The following BRD7 variants were observed in gnomAD, a reference collection of about 807,000 sequenced individuals.
The protein encoded by BRD7 is bromodomain containing 7.
In BRD7, 15 loss-of-function variants were observed where a neutral mutation model predicts 82.1. The observed-to-expected ratio is 0.18, with a 90% CI of 0.12 to 0.28. The LOEUF (loss-of-function observed/expected upper bound fraction) is 0.28, where lower values mean the gene tolerates loss of function less well. Among genes scored for constraint, BRD7 ranks in the 10% least tolerant of loss-of-function variants. The pLI is 1.00. For synonymous variants in BRD7, 232 were observed against 266.9 expected (o/e 0.87, Z 1.27); for missense variants, 638 against 779.9 (o/e 0.82, Z 2.17).
At chr16:50,321,479 A>T (rs1212466779) in intron 13 of BRD7, among the ~76,000 whole-genome samples, 1 of 149,868 alleles carries the variant, frequency 6.7e-6, no homozygotes, top group Admixed American at 6.8e-5. Flanking sequence ...AGGCAAGAGA[A>T]CTGCTTGAAC....
chr16:50,335,215 T>C (rs932671504), intron 6 of BRD7, among the ~76,000 whole-genome samples: 7 of 152,242 alleles, frequency 4.6e-5, no homozygotes, highest in African/African-American at 1.7e-4. Flanking sequence ...TTTAGTTTAA[T>C]GGTGTGTTAA....
intron 6 of BRD7, among the ~76,000 whole-genome samples, chr16:50,337,406 A>T (rs1252855796): frequency 1.3e-5 from 2 of 151,770 alleles, no homozygotes; most frequent in Admixed American, 1.3e-4. Context: ...AATTACAGGC[A>T]TGCACCACCA....
chr16:50,318,977 A>G lies in BRD7; in HGVS notation c.*234T>C, dbSNP rs1187137889. 4.4e-6 allele frequency: 2 copies of G among 450,300 alleles called. No homozygotes were observed. The highest frequency in any genetic ancestry group is 8.0e-6 in the Non-Finnish European group (2 of 250,402). The allele number at this position is 450,300 out of a possible 1,614,324, so 27.9% of individuals were successfully genotyped here. ...TAAGGAAGAAGCATTGGAAGGCACTATTTTGAAAGAATGCTGCACAGGTAT... is the reference window on the plus strand; with the variant it reads ...TAAGGAAGAAGCATTGGAAGGCACTGTTTTGAAAGAATGCTGCACAGGTAT... On this transcript the variant is annotated 3_prime_UTR_variant, in exon 17 of 17. Coordinates refer to ENST00000394688, the MANE Select transcript of BRD7 (RefSeq NM_013263.5).
intron 8 of BRD7, among the ~76,000 whole-genome samples, chr16:50,332,778 A>C (rs2037623736): frequency 6.6e-6 from 1 of 152,220 alleles, no homozygotes; most frequent in South Asian, 2.1e-4. Flanking sequence ...GTACACACAC[A>C]CACCATGGAA....
chr16:50,326,483 G>T, intron 9 of BRD7, 92 bp from the exon 10 acceptor site: 1 of 763,240 alleles, frequency 1.3e-6, no homozygotes, highest in Non-Finnish European at 2.0e-6. Context: ...ACCACTGCAT[G>T]TCATCTGCAT....
chr16:50,334,981 T>TA, intron 6 of BRD7, 86 bp from the exon 7 acceptor site: 1 of 1,277,118 alleles, frequency 7.8e-7, no homozygotes, highest in Non-Finnish European at 1.1e-6. Context: ...AGTTTATACT[T>TA]ATCCTGTCAT....
rs763931442 is a variant in BRD7 at position 50,323,713 on chromosome 16, T to C, written c.1332-15A>G. ...ACTCATGGATGCTGCAAGAGACAGT[T>C]AGGAAAGTCTCACATAAATCACCTC... On this transcript the variant is annotated splice_polypyrimidine_tract_variant and intron_variant, in intron 11 of 16. Transcript: ENST00000394688. The C allele has an allele frequency of 8.2e-6, 13 of 1,594,598 alleles. No homozygotes were observed. Among genetic ancestry groups the C allele is most frequent in the Non-Finnish European group, 1.1e-5 (13 of 1,162,718 alleles).
At chr16:50,349,867 A>C in intron 5 of BRD7, 156 bp downstream of exon 5, 1 of 631,636 alleles carries the variant, frequency 1.6e-6, no homozygotes, top group Middle Eastern at 4.9e-4. Flanking sequence ...TTCCATCACC[A>C]AGCTCATAAA....
intron 12 of BRD7, among the ~76,000 whole-genome samples, chr16:50,323,350 G>C (rs1472363276): frequency 6.6e-6 from 1 of 152,124 alleles, no homozygotes; most frequent in African/African-American, 2.4e-5. Flanking sequence ...CCATTTTTGA[G>C]TCCTACATTC....
In BRD7 at chr16:50,328,152, G is replaced by A. The variant is rs1251015270; in HGVS notation, c.1087+517C>T. On this transcript the variant is annotated intron_variant, in intron 9 of 16. Transcript: ENST00000394688. ...TGATTTCCATTAAAACATCATTTGA[G>A]AAAACAAAAATATGACTGAGGTTCT... Among the ~76,000 whole-genome samples the A allele has an allele frequency of 2.0e-5, 3 of 152,188 alleles. No individual in the cohort carries two copies. The East Asian group carries it at 5.8e-4, about 29-fold the overall frequency.
rs2037322673 is a variant in BRD7, at chr16:50,325,982, CTTCA to C, written c.1196-103_1196-100del. Reference sequence around the variant, plus strand: ...TATTTATTCTCTCCTAACTTTACTACTTCATTGGCTGGTTTGCAAATCTAAGATA... The same window carrying C: ...TATTTATTCTCTCCTAACTTTACTACTTGGCTGGTTTGCAAATCTAAGATA... On this transcript the variant is annotated intron_variant, in intron 10 of 16. Transcript: ENST00000394688. 8 of 1,248,704 alleles carry C rather than the reference CTTCA, an allele frequency of 6.4e-6. No individual in the cohort carries two copies. The East Asian group carries it at 2.0e-4, about 31-fold the overall frequency. 77.4% of individuals were successfully genotyped at this position (1,248,704 alleles called of 1,614,324 possible).
chr16:50,337,857 C>G (rs545769400), intron 6 of BRD7, among the ~76,000 whole-genome samples: 1 of 149,316 alleles, frequency 6.7e-6, no homozygotes, highest in East Asian at 2.0e-4. Context: ...ATGGGTGGGG[C>G]TCCTCAACAG....
At position 50,319,141 on chromosome 16, in the gene BRD7, T is replaced by G; in HGVS notation, c.*70A>C. ...ACACAATTTACAAATATTTAATATC[T>G]TCTGAAAAGCATTTCTAAGTTAAGA... On this transcript the variant is annotated 3_prime_UTR_variant, in exon 17 of 17. Transcript: ENST00000394688. The G allele has an allele frequency of 1.5e-6, 2 of 1,332,764 alleles. No homozygotes were observed. Among genetic ancestry groups the G allele is most frequent in the Non-Finnish European group, 2.1e-6 (2 of 955,438 alleles). The allele number at this position is 1,332,764 out of a possible 1,614,324, so 82.6% of individuals were successfully genotyped here. A position where few individuals can be genotyped will look rare whatever the true frequency, so the allele number is the denominator to read the frequency against.
intron 2 of BRD7, 91 bp downstream of exon 2, chr16:50,367,999 G>C: frequency 1.6e-6 from 2 of 1,265,342 alleles, no homozygotes; most frequent in South Asian, 2.6e-5. Flanking sequence ...AGAGGCGTTT[G>C]TTTTCCCCAG....
chr16:50,333,061 A>G (rs2037638169), intron 8 of BRD7, among the ~76,000 whole-genome samples: 2 of 152,220 alleles, frequency 1.3e-5, no homozygotes, highest in African/African-American at 2.4e-5. Context: ...GATGGGTTCA[A>G]GAGAAGCTCA....
rs185810190 is a variant in BRD7, at chr16:50,320,780, T to G, written c.1501-6A>C. On this transcript the variant is annotated splice_region_variant and splice_polypyrimidine_tract_variant and intron_variant, in intron 13 of 16. Coordinates refer to ENST00000394688, the MANE Select transcript of BRD7 (RefSeq NM_013263.5). ...GGTGGCTCTACTTCTGTAATCTGCT[T>G]CAAAAGGAAAAACAGGCAATTACTG... The G allele has an allele frequency of 1.0e-3, 1,651 of 1,606,184 alleles. 1 individual carries two copies. Among genetic ancestry groups the G allele is most frequent in the Non-Finnish European group, 1.3e-3 (1,509 of 1,172,884 alleles).
intron 8 of BRD7, among the ~76,000 whole-genome samples, chr16:50,333,019 T>A (rs1193113639): frequency 6.6e-6 from 1 of 152,124 alleles, no homozygotes; most frequent in Non-Finnish European, 1.5e-5. Flanking sequence ...GTTCAGAAAC[T>A]TCCTACTGGG....
intron 2 of BRD7, among the ~76,000 whole-genome samples, chr16:50,356,869 T>C (rs1180103251): frequency 6.6e-6 from 1 of 152,178 alleles, no homozygotes; most frequent in African/African-American, 2.4e-5. Flanking sequence ...TGAAGTAAAA[T>C]TGTCCAACAA....
In BRD7 at chr16:50,320,362, C is replaced by T. The variant is rs780698234; in HGVS notation, c.1642G>A (p.Glu548Lys). The change falls in exon 15 of 17, where the codon GAG becomes AAG. Residue 548 changes from glutamate to lysine, a missense_variant. Transcript: ENST00000394688. ...EAEIFQKKLDETTRLLRELQE... is the reference protein window; with the variant it reads ...EAEIFQKKLDKTTRLLRELQE... ...AGTTCCCTGAGCAATCTGGTGGTCT[C>T]ATCAAGTTTCTTCTGGAATATTTCA... is the stretch of plus-strand genomic sequence containing the variant. The T allele has an allele frequency of 3.7e-6, 6 of 1,613,888 alleles. No homozygotes were observed. The East Asian group carries it at 1.3e-4, about 36-fold the overall frequency.
Sources: allele counts gnomAD v4.1 joint callset (sites outside exome capture counted in the v4.1 genomes callset), GRCh38; gene constraint gnomAD v4.1.1; transcripts MANE v1.5; gene names NCBI Gene and HGNC (gene_info 2026-07-23, HGNC 2026-07-21).